The following GNAQ variants were observed in gnomAD, a reference collection of about 807,000 sequenced individuals.
GNAQ encodes G protein subunit alpha q, also known as guanine nucleotide-binding protein G(q) subunit alpha.
A neutral mutation model predicts 43.9 loss-of-function variants in GNAQ; 8 were observed. The observed-to-expected ratio is 0.18, with a 90% CI of 0.11 to 0.33. GNAQ has a LOEUF of 0.33. GNAQ is among the 10% of genes least tolerant of loss of function. The pLI, the probability that GNAQ is intolerant of heterozygous loss-of-function variation, is 1.00. For missense variants in GNAQ, 158 were observed against 450.8 expected (o/e 0.35, Z 5.88); for synonymous variants, 155 against 170.7 (o/e 0.91, Z 0.71).
At chr9:77,864,795 C>G (rs146022524) in intron 2 of GNAQ, among the ~76,000 whole-genome samples, 10 of 152,208 alleles carry the variant, frequency 6.6e-5, no homozygotes, top group African/African-American at 1.7e-4. Context: ...AATGAACACA[C>G]TCTTTTCTGG....
rs544220778 is a variant in GNAQ at position 77,927,107 on chromosome 9, T to G, written c.137-4762A>C. 5.3e-5 allele frequency among the ~76,000 whole-genome samples: 8 copies of G among 152,250 alleles called. No individual in the cohort carries two copies. In the South Asian group the frequency reaches 1.7e-3, roughly 32 times the overall value. The stretch of plus-strand genomic sequence containing the variant: ...ATCTGATGCTTCCATTTTAGGCCTT[T>G]TCTTCCCCCCAAGATCTTTTCAACA... On this transcript the variant is annotated intron_variant, in intron 1 of 6. Transcript: ENST00000286548.
chr9:78,009,842 T>C (rs1305390217), intron 1 of GNAQ, among the ~76,000 whole-genome samples: 2 of 150,978 alleles, frequency 1.3e-5, no homozygotes, highest in African/African-American at 4.9e-5. Context: ...AGCAAATACA[T>C]GATAAAGGGA....
chr9:78,025,134 G>A (rs976327758), intron 1 of GNAQ, among the ~76,000 whole-genome samples: 1 of 152,138 alleles, frequency 6.6e-6, no homozygotes, highest in Non-Finnish European at 1.5e-5. Context: ...CATTTCATCA[G>A]TATGCCTAGG....
At chr9:77,904,267 T>C (rs10869986) in intron 2 of GNAQ, among the ~76,000 whole-genome samples, 85,694 of 149,782 alleles carry the variant, frequency 0.57, 26,604 homozygotes, top group South Asian at 0.7. Context: ...ATAATCAATT[T>C]CTAGAACAAA....
intron 2 of GNAQ, among the ~76,000 whole-genome samples, chr9:77,905,000 T>G (rs1441245075): frequency 6.6e-6 from 1 of 152,206 alleles, no homozygotes; most frequent in East Asian, 1.9e-4. Flanking sequence ...TAAAGAAAAC[T>G]AATTCCTCCC....
chr9:77,826,284 C>G lies in GNAQ; in HGVS notation c.322-10514G>C, dbSNP rs1397975605. 2.0e-5 allele frequency among the ~76,000 whole-genome samples: 3 copies of G among 152,162 alleles called. No individual in the cohort carries two copies. The East Asian group carries it at 5.8e-4, about 29-fold the overall frequency. On this transcript the variant is annotated intron_variant, in intron 2 of 6. Coordinates refer to ENST00000286548, the MANE Select transcript of GNAQ (RefSeq NM_002072.5). ...GAAATAATCTGAGTTTGCACCCTAC[C>G]CCCAGGCCCAACTCCCCATAACGCT...
At chr9:78,025,843 A>G (rs774186842) in intron 1 of GNAQ, among the ~76,000 whole-genome samples, 8 of 152,194 alleles carry the variant, frequency 5.3e-5, no homozygotes, top group Non-Finnish European at 1.2e-4. Flanking sequence ...AACCTTCCTT[A>G]GAGAATCTTG....
chr9:77,891,740 T>A (rs763884821), intron 2 of GNAQ, among the ~76,000 whole-genome samples: 3 of 152,214 alleles, frequency 2.0e-5, no homozygotes, highest in African/African-American at 4.8e-5. Context: ...GGCCTCCATA[T>A]CAATAACACA....
intron 2 of GNAQ, among the ~76,000 whole-genome samples, chr9:77,847,484 A>G (rs1827606127): frequency 6.6e-6 from 1 of 152,182 alleles, no homozygotes; most frequent in South Asian, 2.1e-4. Context: ...GCTGCCTTAC[A>G]ATTTGCTACA....
intron 5 of GNAQ, among the ~76,000 whole-genome samples, chr9:77,790,154 G>A (rs754397137): frequency 1.3e-5 from 2 of 152,136 alleles, no homozygotes; most frequent in African/African-American, 2.4e-5. Context: ...ATTAAGATTC[G>A]ATAAAGGCGG....
intron 3 of GNAQ, among the ~76,000 whole-genome samples, chr9:77,812,199 C>T (rs1333520412): frequency 6.6e-6 from 1 of 152,090 alleles, no homozygotes; most frequent in African/African-American, 2.4e-5. Context: ...TTAAATCTGG[C>T]AAAAATTATC....
At chr9:77,987,362 G>A (rs1332543243) in intron 1 of GNAQ, among the ~76,000 whole-genome samples, 1 of 152,114 alleles carries the variant, frequency 6.6e-6, no homozygotes, top group African/African-American at 2.4e-5. Flanking sequence ...AATCCTTGCG[G>A]TTGAGAATTA....
At chr9:77,919,916 C>T (rs1049393173) in intron 2 of GNAQ, among the ~76,000 whole-genome samples, 8 of 151,990 alleles carry the variant, frequency 5.3e-5, no homozygotes, top group African/African-American at 7.3e-5. Flanking sequence ...CCGAAGCAGG[C>T]GGATCATGAA....
intron 1 of GNAQ, among the ~76,000 whole-genome samples, chr9:77,972,388 T>C (rs931993001): frequency 1.3e-5 from 2 of 151,734 alleles, no homozygotes; most frequent in African/African-American, 4.8e-5. Context: ...GAGAATAAAA[T>C]TAAAATATAA....
intron 2 of GNAQ, among the ~76,000 whole-genome samples, chr9:77,867,429 A>G (rs923456761): frequency 8.5e-5 from 13 of 152,238 alleles, no homozygotes; most frequent in African/African-American, 3.1e-4. Flanking sequence ...GGCAAAGTAG[A>G]AAAACAAAAT....
At chr9:77,825,148 A>T (rs1298499567) in intron 2 of GNAQ, among the ~76,000 whole-genome samples, 2 of 152,216 alleles carry the variant, frequency 1.3e-5, no homozygotes, top group Non-Finnish European at 2.9e-5. Context: ...CACATTATCA[A>T]CTTTCTTTAG....
intron 2 of GNAQ, among the ~76,000 whole-genome samples, chr9:77,865,345 T>C (rs559842513): frequency 3.3e-5 from 5 of 152,358 alleles, no homozygotes; most frequent in Non-Finnish European, 5.9e-5. Flanking sequence ...TCCTTACCTA[T>C]GTGATTTTAT....
chr9:77,863,499 C>T (rs997335647), intron 2 of GNAQ, among the ~76,000 whole-genome samples: 1 of 152,098 alleles, frequency 6.6e-6, no homozygotes, highest in Non-Finnish European at 1.5e-5. Flanking sequence ...CCAAACTTTC[C>T]TACATTTTCC....
At chr9:77,744,009 G>A (rs1018091664) in intron 5 of GNAQ, among the ~76,000 whole-genome samples, 2 of 152,222 alleles carry the variant, frequency 1.3e-5, no homozygotes, top group Non-Finnish European at 2.9e-5. Flanking sequence ...GTGCAAGGAA[G>A]AAATCATACA....
Sources: allele counts gnomAD v4.1 joint callset (sites outside exome capture counted in the v4.1 genomes callset), GRCh38; gene constraint gnomAD v4.1.1; transcripts MANE v1.5; gene names NCBI Gene and HGNC (gene_info 2026-07-23, HGNC 2026-07-21).